The following DTX3 variants were observed in gnomAD, a reference collection of about 807,000 sequenced individuals.
DTX3 encodes deltex E3 ubiquitin ligase 3, also known as E3 ubiquitin-protein ligase DTX3.
A neutral mutation model predicts 27.4 loss-of-function variants in DTX3; 10 were observed. The observed-to-expected ratio is 0.36, with a 90% CI of 0.22 to 0.62. The LOEUF (loss-of-function observed/expected upper bound fraction) is 0.62. Ranked by LOEUF, DTX3 falls within the 20% of genes least tolerant of loss-of-function variation. The pLI is 0.68. For missense variants in DTX3, 319 were observed against 463.8 expected (o/e 0.69, Z 2.87); for synonymous variants, 171 against 190.7 (o/e 0.90, Z 0.85).
chr12:57,607,324 G>A lies in DTX3; in HGVS notation c.461G>A (p.Arg154Gln), dbSNP rs536336747. The A allele has an allele frequency of 1.6e-5, 26 of 1,602,930 alleles. No individual in the cohort carries two copies. Among genetic ancestry groups the A allele is most frequent in the Admixed American group, 6.8e-5 (4 of 58,740 alleles). ...CCCCCACCTCTTCCTCCTCGCCTTC[G>A]GGAGGAGGCAGAAGAGCAGGAGAGC... ...PLPPPLPPRL[R>Q]EEAEEQESTC... The change falls in exon 5 of 7, where the codon CGG becomes CAG. Residue 154 changes from arginine (R) to glutamine (Q), a missense_variant. By Grantham distance (43) the Arg-to-Gln change is conservative. This residue lies in a region of DTX3 where 202 missense variants were observed against 205.3 expected (regional missense o/e 0.98). Transcript: ENST00000337737. This position sits in a 1 kb window ranked among gnomAD's most constrained non-coding sequence, Gnocchi z 7.7.
Position 57,607,592 on chromosome 12 carries a change from C to G in DTX3, c.729C>G (p.Val243=), listed in dbSNP as rs763101576. The change falls in exon 5 of 7, where the codon GTC becomes GTG. Residue 243 remains valine (V), a synonymous_variant. Transcript: ENST00000337737. This position sits in a 1 kb window ranked among gnomAD's most constrained non-coding sequence, Gnocchi z 7.7. The part of the protein sequence containing the change: ...EKYGTIVIQY[V]FPPGVQGAEH... ...ACGGCACCATTGTCATCCAGTACGT[C>G]TTCCCGCCCGGTGTCCAGGGGGTAA... 1.2e-6 allele frequency: 2 copies of G among 1,614,058 alleles called. No homozygotes were observed. Among genetic ancestry groups the G allele is most frequent in the Non-Finnish European group, 1.7e-6 (2 of 1,180,040 alleles).
rs781461491 is a variant in DTX3 at position 57,609,196 on chromosome 12, G to C, written c.*44G>C. The C allele has an allele frequency of 1.3e-6, 2 of 1,586,126 alleles. No individual in the cohort carries two copies. Among genetic ancestry groups the C allele is most frequent in the South Asian group, 2.2e-5 (2 of 90,176 alleles). ...AGGCCCCTGCTGTCTGCCTCTACTAGGACCCAGCAGAAGCCTCTTTCTCCT... is the reference window on the plus strand; with the variant it reads ...AGGCCCCTGCTGTCTGCCTCTACTACGACCCAGCAGAAGCCTCTTTCTCCT... On this transcript the variant is annotated 3_prime_UTR_variant, in exon 7 of 7. Coordinates refer to ENST00000337737, the MANE Select transcript of DTX3 (RefSeq NM_178502.4).
rs762599381 is a variant in DTX3 at position 57,607,189 on chromosome 12, G to C, written c.326G>C (p.Gly109Ala). 2.5e-6 allele frequency: 4 copies of C among 1,613,400 alleles called. No homozygotes were observed. Among genetic ancestry groups the C allele is most frequent in the Non-Finnish European group, 3.4e-6 (4 of 1,179,966 alleles). ...QGELMGCLAL[G>A]GGGEHPEMHR... Reference sequence around the variant, plus strand: ...GAGCTGATGGGCTGCCTGGCTCTGGGGGGTGGAGGGGAGCACCCTGAGATG... The same window carrying C: ...GAGCTGATGGGCTGCCTGGCTCTGGCGGGTGGAGGGGAGCACCCTGAGATG... The change falls in exon 5 of 7, where the codon GGG becomes GCG. Residue 109 changes from glycine (G) to alanine (A), a missense_variant. Around this residue, in one of 2 missense-constraint regions of DTX3, gnomAD observed 202 missense variants for 205.3 expected, o/e 0.98. Transcript: ENST00000337737. This position sits in a 1 kb window ranked among gnomAD's most constrained non-coding sequence, Gnocchi z 7.7.
At position 57,609,668 on chromosome 12, in the gene DTX3, G is replaced by C. The variant is rs1373017142; in HGVS notation, c.*516G>C. ...CCCTTAACCTTGTCCTTTCTCTCCTGTGTCTCAGTCTCCGTCAGTCTGTCT... is the reference window on the plus strand; with the variant it reads ...CCCTTAACCTTGTCCTTTCTCTCCTCTGTCTCAGTCTCCGTCAGTCTGTCT... On this transcript the variant is annotated 3_prime_UTR_variant, in exon 7 of 7. Coordinates refer to ENST00000337737, the MANE Select transcript of DTX3 (RefSeq NM_178502.4). The C allele has an allele frequency of 6.0e-6, 1 of 166,290 alleles. No individual in the cohort carries two copies. Among genetic ancestry groups the C allele is most frequent in the African/African-American group, 2.4e-5 (1 of 41,802 alleles). 10.3% of individuals were successfully genotyped at this position (166,290 alleles called of 1,614,324 possible).
In DTX3 at chr12:57,609,322, G is replaced by T. The variant is rs1883912492; in HGVS notation, c.*170G>T. ...CAATCCCTTCCCCCATCCCCCACTG[G>T]CCAAGTGTTTCAATGCAGTGTGAGC... On this transcript the variant is annotated 3_prime_UTR_variant, in exon 7 of 7. Coordinates refer to ENST00000337737, the MANE Select transcript of DTX3 (RefSeq NM_178502.4). 1.6e-6 allele frequency: 1 copy of T among 643,430 alleles called. No homozygotes were observed. The highest frequency in any genetic ancestry group is 1.8e-5 in the African/African-American group (1 of 55,172). 39.9% of individuals were successfully genotyped at this position (643,430 alleles called of 1,614,324 possible).
At position 57,609,127 on chromosome 12, in the gene DTX3, G is replaced by A. The variant is rs2140214137; in HGVS notation, c.1019G>A (p.Arg340Lys). The A allele has an allele frequency of 6.2e-7, 1 of 1,614,158 alleles. No individual in the cohort carries two copies. The highest frequency in any genetic ancestry group is 8.5e-7 in the Non-Finnish European group (1 of 1,180,024). ...CTGACCCGGGTGCAAGAGGAGCTGA[G>A]AGCGAAGGGTATCACAGATGACTGA... ...TYLTRVQEEL[R>K]AKGITDD The change falls in exon 7 of 7, where the codon AGA becomes AAA. Residue 340 changes from arginine (R) to lysine (K), a missense_variant. By Grantham distance (26) the Arg-to-Lys change is conservative. Transcript: ENST00000337737.
intron 4 of DTX3, 59 bp from the exon 5 acceptor site, chr12:57,606,806 G>T: frequency 6.5e-7 from 1 of 1,541,620 alleles, no homozygotes. Flanking sequence ...GAAGTAGGAG[G>T]CACTGATACT....
chr12:57,607,628 GCCTGCC>G lies in DTX3; in HGVS notation c.750+17_750+22del, dbSNP rs1190808101. 1.4e-5 allele frequency: 22 copies of G among 1,613,864 alleles called. No individual in the cohort carries two copies. Among genetic ancestry groups the G allele is most frequent in the Non-Finnish European group, 1.9e-5 (22 of 1,180,002 alleles). On this transcript the variant is annotated intron_variant, in intron 5 of 6. Coordinates refer to ENST00000337737, the MANE Select transcript of DTX3 (RefSeq NM_178502.4). The surrounding 1 kb of genome is among the most constrained non-coding windows in gnomAD (Gnocchi z 7.7). ...GTGTCCAGGGGGTAAGAAGACCATG[GCCTGCC>G]CTTACCCTTTGGCTTTCCCCAAGCT...
rs1883919015 is a variant in DTX3, at chr12:57,609,417, T to G, written c.*265T>G. On this transcript the variant is annotated 3_prime_UTR_variant, in exon 7 of 7. Coordinates refer to ENST00000337737, the MANE Select transcript of DTX3 (RefSeq NM_178502.4). ...CTCCCCGTGTACATATACTCCCGGT[T>G]TCCCTGCCCCTCCATTGCCCTTGGC... is the stretch of plus-strand genomic sequence containing the variant. 6.3e-6 allele frequency: 3 copies of G among 477,872 alleles called. No individual in the cohort carries two copies. In the East Asian group the frequency reaches 1.1e-4, roughly 17 times the overall value. The allele number at this position is 477,872 out of a possible 1,614,324, so 29.6% of individuals were successfully genotyped here.
At chr12:57,606,566 C>A in intron 4 of DTX3, 48 bp downstream of exon 4, 2 of 1,606,358 alleles carry the variant, frequency 1.2e-6, no homozygotes, top group Non-Finnish European at 1.7e-6. Flanking sequence ...TTAAACAGCC[C>A]ATTTTTCCCC....
Position 57,607,647 on chromosome 12 carries a change from CT to C in DTX3, c.750+37del, listed in dbSNP as rs752216567. 4.3e-6 allele frequency: 7 copies of C among 1,613,506 alleles called. No individual in the cohort carries two copies. The African/African-American group carries it at 9.3e-5, about 22-fold the overall frequency. On this transcript the variant is annotated intron_variant, in intron 5 of 6. Coordinates refer to ENST00000337737, the MANE Select transcript of DTX3 (RefSeq NM_178502.4). The surrounding 1 kb of genome is among the most constrained non-coding windows in gnomAD (Gnocchi z 7.7). ...ACCATGGCCTGCCCTTACCCTTTGG[CT>C]TTCCCCAAGCTCTGACCTAGGAAAA...
rs560352567 is a variant in DTX3 at position 57,606,914 on chromosome 12, C to T, written c.51C>T (p.Asn17=). ...RMAACGGTCK[N]KVTVSKPVWD... ...CAGCCTGTGGAGGCACCTGCAAGAA[C>T]AAAGTGACTGTGTCCAAGCCCGTGT... The change falls in exon 5 of 7, where the codon AAC becomes AAT. Residue 17 remains asparagine (N), a synonymous_variant. Transcript: ENST00000337737. 2 of 1,614,030 alleles carry T rather than the reference C, an allele frequency of 1.2e-6. No individual in the cohort carries two copies. Among genetic ancestry groups the T allele is most frequent in the South Asian group, 1.1e-5 (1 of 91,076 alleles).
At chr12:57,606,415 C>T in intron 3 of DTX3, 28 bp from the exon 4 acceptor site, 1 of 1,575,160 alleles carries the variant, frequency 6.3e-7, no homozygotes, top group Non-Finnish European at 8.6e-7. Context: ...GGGTTTCTCA[C>T]TTTCCTTCCA....
In DTX3 at chr12:57,609,764, T is replaced by G. The variant is rs1883944146; in HGVS notation, c.*612T>G. On this transcript the variant is annotated 3_prime_UTR_variant, in exon 7 of 7. Transcript: ENST00000337737. ...TCTGGAATCGCTGCCAGACTGTAGCTTTTAATTTAATAAAAATAAAGTAAA... is the reference window on the plus strand; with the variant it reads ...TCTGGAATCGCTGCCAGACTGTAGCGTTTAATTTAATAAAAATAAAGTAAA... The G allele has an allele frequency of 6.4e-6, 1 of 156,932 alleles. No individual in the cohort carries two copies. The highest frequency in any genetic ancestry group is 6.2e-5 in the Admixed American group (1 of 16,148). 9.7% of individuals were successfully genotyped at this position (156,932 alleles called of 1,614,324 possible). A position where few individuals can be genotyped will look rare whatever the true frequency, so the allele number is the denominator to read the frequency against.
chr12:57,605,471 G>T (rs183831267), intron 1 of DTX3, 100 bp from the exon 2 acceptor site: 5 of 152,408 alleles, frequency 3.3e-5, no homozygotes. Context: ...AGGTGCATCT[G>T]GCCTTGGGGG....
chr12:57,606,806 G>C (rs974375036), intron 4 of DTX3, 59 bp from the exon 5 acceptor site: 27 of 1,541,502 alleles, frequency 1.8e-5, no homozygotes, highest in African/African-American at 5.5e-5. Context: ...GAAGTAGGAG[G>C]CACTGATACT....
Position 57,607,474 on chromosome 12 carries a change from G to A in DTX3, c.611G>A (p.Arg204His). The A allele has an allele frequency of 1.2e-6, 2 of 1,614,186 alleles. No individual in the cohort carries two copies. The highest frequency in any genetic ancestry group is 2.2e-5 in the East Asian group (1 of 44,878). ...QVKKACPMCG[R>H]FYGQLVGNQP... ...AAAAAGGCCTGCCCCATGTGCGGCCGCTTCTATGGGCAGCTGGTGGGCAAC... is the reference window on the plus strand; with the variant it reads ...AAAAAGGCCTGCCCCATGTGCGGCCACTTCTATGGGCAGCTGGTGGGCAAC... The change falls in exon 5 of 7, where the codon CGC (arginine) becomes CAC (histidine). Residue 204 changes from arginine to histidine, a missense_variant. Physicochemically the swap from Arg to His is conservative, Grantham distance 29. Coordinates refer to ENST00000337737, the MANE Select transcript of DTX3 (RefSeq NM_178502.4). This position sits in a 1 kb window ranked among gnomAD's most constrained non-coding sequence, Gnocchi z 7.7.
At position 57,608,762 on chromosome 12, in the gene DTX3, C is replaced by G; in HGVS notation, c.968+25C>G. 6.2e-7 allele frequency: 1 copy of G among 1,611,280 alleles called. No individual in the cohort carries two copies. The highest frequency in any genetic ancestry group is 8.5e-7 in the Non-Finnish European group (1 of 1,178,486). ...TGTGCGACCCCTCTTCATTTCCTTT[C>G]CCTTGGCTCCTCCCCTTTGTTCCAT... On this transcript the variant is annotated intron_variant, in intron 6 of 6. Coordinates refer to ENST00000337737, the MANE Select transcript of DTX3 (RefSeq NM_178502.4). This position sits in a 1 kb window ranked among gnomAD's most constrained non-coding sequence, Gnocchi z 6.1.
At position 57,607,164 on chromosome 12, in the gene DTX3, G is replaced by A. The variant is rs1883763116; in HGVS notation, c.301G>A (p.Glu101Lys). ...KELKKAQRQG[E>K]LMGCLALGGG... ...GCTGAAGAAAGCTCAGAGGCAGGGGGAGCTGATGGGCTGCCTGGCTCTGGG... is the reference window on the plus strand; with the variant it reads ...GCTGAAGAAAGCTCAGAGGCAGGGGAAGCTGATGGGCTGCCTGGCTCTGGG... The change falls in exon 5 of 7, where the codon GAG becomes AAG. Residue 101 changes from glutamate (E) to lysine (K), a missense_variant. By Grantham distance (56) the Glu-to-Lys change is moderately conservative (BLOSUM62 1). Coordinates refer to ENST00000337737, the MANE Select transcript of DTX3 (RefSeq NM_178502.4). The surrounding 1 kb of genome is among the most constrained non-coding windows in gnomAD (Gnocchi z 7.7). 6.2e-7 allele frequency: 1 copy of A among 1,613,860 alleles called. No homozygotes were observed.
Sources: gnomAD v4.1 joint callset for allele counts on GRCh38, gnomAD v4.1.1 for gene constraint, gnomAD v4.1.1 regional missense constraint, Gnocchi (gnomAD v3.1) non-coding constraint, MANE v1.5 for transcripts, NCBI Gene and HGNC (gene_info 2026-07-23, HGNC 2026-07-21) for gene names.